Variants in KIF5C observed in about 807,000 individuals in gnomAD.
KIF5C encodes the protein kinesin family member 5C, also known as kinesin heavy chain isoform 5C.
Under a neutral mutation model 125.2 loss-of-function variants are expected in KIF5C, and 18 were observed. The observed-to-expected ratio is 0.14, with a 90% confidence interval of 0.10 to 0.21. The LOEUF (loss-of-function observed/expected upper bound fraction) is 0.21. Among genes scored for constraint, KIF5C ranks in the 10% least tolerant of loss-of-function variants. The pLI, the probability that KIF5C is intolerant of heterozygous loss-of-function variation, is 1.00. For synonymous variants in KIF5C, 405 were observed against 434.0 expected, an observed-to-expected ratio of 0.93 and a Z score of 0.83; for missense variants, 780 against 1,183.8, an observed-to-expected ratio of 0.66 and a Z score of 5.01.
rs572148118 is a variant in KIF5C at position 148,993,934 on chromosome 2, G to T, written c.1906-487G>T. 3.9e-5 allele frequency among the ~76,000 whole-genome samples: 6 copies of T among 152,232 alleles called. No individual in the cohort carries two copies. In the South Asian group the frequency reaches 1.2e-3, roughly 32 times the overall value. On this transcript the variant is annotated intron_variant, in intron 16 of 25. Coordinates refer to ENST00000435030, the MANE Select transcript of KIF5C (RefSeq NM_004522.3). Reference sequence around the variant, plus strand: ...TGTGGCATGTGGTGGGGTGGTGATGGTGGGGAGGGAAAGCTTCCAGGGAGA... The same window carrying T: ...TGTGGCATGTGGTGGGGTGGTGATGTTGGGGAGGGAAAGCTTCCAGGGAGA...
At chr2:148,963,643 G>T (rs1003226176) in intron 11 of KIF5C, among the ~76,000 whole-genome samples, 4 of 152,212 alleles carry the variant, frequency 2.6e-5, no homozygotes, top group Non-Finnish European at 5.9e-5. Flanking sequence ...GGGAGCAGTA[G>T]TTGGCAAGGT....
chr2:148,994,635 A>G, intron 17 of KIF5C, 97 bp downstream of exon 17: 1 of 1,407,608 alleles, frequency 7.1e-7, no homozygotes, highest in South Asian at 1.5e-5. Context: ...GTTCAGTTAA[A>G]GCATTTCTAG....
At chr2:148,998,142 G>A in intron 18 of KIF5C, 1 of 519,322 alleles carries the variant, frequency 1.9e-6, no homozygotes, top group South Asian at 2.2e-5. Flanking sequence ...GCTGTAAAAG[G>A]TCAAGGGAAC....
At chr2:148,958,275 G>T (rs1682845926) in intron 10 of KIF5C, among the ~76,000 whole-genome samples, 1 of 152,082 alleles carries the variant, frequency 6.6e-6, no homozygotes, top group Admixed American at 6.5e-5. Context: ...TTTCCAAAAC[G>T]ACAGTAATAA....
rs1451397635 is a variant in KIF5C at position 148,876,785 on chromosome 2, C to A, written c.126+1042C>A. ...GTAGCGTGTGTGGCTGATGGTGCCC[C>A]CTTTGTATGCGAGCCGCGTGGGGAG... On this transcript the variant is annotated intron_variant, in intron 1 of 25. Transcript: ENST00000435030. This position sits in a 1 kb window ranked among gnomAD's most constrained non-coding sequence, Gnocchi z 4.7. Among the ~76,000 whole-genome samples, 1 of 152,172 alleles carries A rather than the reference C, an allele frequency of 6.6e-6. No individual in the cohort carries two copies. Among genetic ancestry groups the A allele is most frequent in the Non-Finnish European group, 1.5e-5 (1 of 68,030 alleles).
At chr2:148,972,998 A>T (rs896505224) in intron 11 of KIF5C, among the ~76,000 whole-genome samples, 38 of 152,114 alleles carry the variant, frequency 2.5e-4, no homozygotes, top group African/African-American at 8.9e-4. Flanking sequence ...AGAGAATATG[A>T]CTCTAGTAAA....
At chr2:148,882,183 C>A (rs1239157444) in intron 1 of KIF5C, among the ~76,000 whole-genome samples, 1 of 152,164 alleles carries the variant, frequency 6.6e-6, no homozygotes, top group Non-Finnish European at 1.5e-5. Context: ...AGTCAGATAG[C>A]CAGGATGAAC....
chr2:148,909,803 G>C (rs556223838), intron 1 of KIF5C, among the ~76,000 whole-genome samples: 1 of 152,188 alleles, frequency 6.6e-6, no homozygotes, highest in Non-Finnish European at 1.5e-5. Context: ...AGGTGAATTG[G>C]ATATCTGTGA....
intron 11 of KIF5C, among the ~76,000 whole-genome samples, chr2:148,963,770 C>T (rs1045028842): frequency 6.6e-6 from 1 of 152,106 alleles, no homozygotes; most frequent in Non-Finnish European, 1.5e-5. Flanking sequence ...GCTTTAGAAA[C>T]ATTACAGGGT....
Position 148,946,892 on chromosome 2 carries a change from T to C in KIF5C, c.590-7T>C. 3 of 1,611,154 alleles carry C rather than the reference T, an allele frequency of 1.9e-6. No homozygotes were observed. The highest frequency in any genetic ancestry group is 2.5e-6 in the Non-Finnish European group (3 of 1,179,314). ...TTTGTAGAGCAGTAAACTATTTTCC[T>C]TTTCAGACATGAATGAACACAGCTC... On this transcript the variant is annotated splice_region_variant and splice_polypyrimidine_tract_variant and intron_variant, in intron 7 of 25. Coordinates refer to ENST00000435030, the MANE Select transcript of KIF5C (RefSeq NM_004522.3).
chr2:149,010,252 G>A lies in KIF5C; in HGVS notation c.2668G>A (p.Ala890Thr), dbSNP rs1682145511. The change falls in exon 24 of 26, where the codon GCC becomes ACC. Residue 890 changes from alanine to threonine, a missense_variant. Ala to Thr is a moderately conservative substitution (Grantham distance 58, BLOSUM62 0). Coordinates refer to ENST00000435030, the MANE Select transcript of KIF5C (RefSeq NM_004522.3). The stretch of plus-strand genomic sequence containing the variant: ...CGCGCTGAAGGAGGCCAAGGAGAAC[G>A]CCATGCGGGACCGTAAGCGCTACCA... ...ESALKEAKEN[A>T]MRDRKRYQQE... The A allele has an allele frequency of 3.1e-6, 5 of 1,589,322 alleles. No individual in the cohort carries two copies. Among genetic ancestry groups the A allele is most frequent in the South Asian group, 1.2e-5 (1 of 86,878 alleles).
intron 23 of KIF5C, among the ~76,000 whole-genome samples, chr2:149,008,843 G>A (rs374989690): frequency 1.1e-4 from 17 of 152,068 alleles, no homozygotes; most frequent in African/African-American, 3.6e-4. Flanking sequence ...TTTTTCCCCA[G>A]AGAGAGGATG....
chr2:148,992,613 A>T (rs1282681088), intron 16 of KIF5C, among the ~76,000 whole-genome samples: 1 of 152,246 alleles, frequency 6.6e-6, no homozygotes, highest in African/African-American at 2.4e-5. Flanking sequence ...AGCCATTGGG[A>T]AAGTCTAATG....
chr2:148,978,746 G>A (rs1272463639), intron 12 of KIF5C, among the ~76,000 whole-genome samples, 176 bp from the exon 13 acceptor site: 1 of 152,188 alleles, frequency 6.6e-6, no homozygotes, highest in Non-Finnish European at 1.5e-5. Context: ...AGAAAGGTGG[G>A]TGAGGAGGTA....
intron 12 of KIF5C, among the ~76,000 whole-genome samples, chr2:148,974,614 G>A (rs541262270): frequency 3.9e-5 from 6 of 152,224 alleles, no homozygotes; most frequent in African/African-American, 7.2e-5. Flanking sequence ...CACGCATACC[G>A]TTATCTTCCA....
intron 3 of KIF5C, among the ~76,000 whole-genome samples, chr2:148,934,001 A>G (rs1363812775): frequency 6.6e-6 from 1 of 151,372 alleles, no homozygotes; most frequent in Middle Eastern, 3.2e-3. Context: ...TTCCACATAC[A>G]TCAGACACAT....
In KIF5C at chr2:149,017,499, G is replaced by A. The variant is rs557131475; in HGVS notation, c.*8-5579G>A. ...GATTAAACATCTGCCCAGCTCCCTCGTTTTGAGAGCCCTGGAGATCCACTT... is the reference window on the plus strand; with the variant it reads ...GATTAAACATCTGCCCAGCTCCCTCATTTTGAGAGCCCTGGAGATCCACTT... On this transcript the variant is annotated intron_variant, in intron 25 of 25. Transcript: ENST00000435030. Among the ~76,000 whole-genome samples the A allele has an allele frequency of 6.6e-5, 10 of 152,274 alleles. No homozygotes were observed. The East Asian group carries it at 1.9e-3, about 29-fold the overall frequency.
intron 2 of KIF5C, among the ~76,000 whole-genome samples, chr2:148,927,485 G>GGGGTGTGT (rs1553463361): frequency 2.7e-5 from 4 of 149,708 alleles, no homozygotes; most frequent in Admixed American, 2.0e-4. Context: ...GCCCTTTCAG[G>GGGGTGTGT]GTGTGTGTGT....
At chr2:148,895,876 C>CACACACACACACACACACA (rs1558876307) in intron 1 of KIF5C, among the ~76,000 whole-genome samples, 1 of 27,084 alleles carries the variant, frequency 3.7e-5, no homozygotes, top group African/African-American at 7.4e-5. Flanking sequence ...ACACACACAC[C>CACACACACACACACACACA]CACAGAGATC....
Sources: gnomAD v4.1 joint callset for allele counts (sites outside exome capture counted in the v4.1 genomes callset) on GRCh38, gnomAD v4.1.1 for gene constraint, Gnocchi (gnomAD v3.1) non-coding constraint, MANE v1.5 for transcripts, NCBI Gene and HGNC (gene_info 2026-07-23, HGNC 2026-07-21) for gene names.